The following GNA14 variants were observed in gnomAD, a reference collection of about 807,000 sequenced individuals.
The protein encoded by GNA14 is G protein subunit alpha 14.
GNA14 carries 50 observed loss-of-function variants against 42.0 expected under a neutral mutation model. The observed-to-expected ratio is 1.19, with a 90% CI of 0.95 to 1.51. The LOEUF is 1.51. Among genes scored for constraint, GNA14 ranks in the 40% most tolerant of loss-of-function variants. The pLI is 0.00. For missense variants in GNA14, 473 were observed against 446.2 expected (o/e 1.06, Z -0.54); for synonymous variants, 173 against 163.1 (o/e 1.06, Z -0.46).
chr9:77,437,926 T>C (rs1342424867), intron 2 of GNA14, among the ~76,000 whole-genome samples: 1 of 152,220 alleles, frequency 6.6e-6, no homozygotes, highest in African/African-American at 2.4e-5. Flanking sequence ...TCCTGACTGA[T>C]ACACGTTGCC....
At chr9:77,510,895 T>C (rs565762499) in intron 2 of GNA14, among the ~76,000 whole-genome samples, 2 of 152,120 alleles carry the variant, frequency 1.3e-5, no homozygotes, top group South Asian at 4.2e-4. Flanking sequence ...TAAGATGATT[T>C]GATAAGTGAT....
At position 77,607,060 on chromosome 9, in the gene GNA14, C is replaced by G. The variant is rs148125002; in HGVS notation, c.124+40610G>C. Among the ~76,000 whole-genome samples the G allele has an allele frequency of 6.1e-3, 933 of 152,246 alleles. 13 individuals are homozygous for G. The highest frequency in any genetic ancestry group is 0.021 in the African/African-American group (886 of 41,538). On this transcript the variant is annotated intron_variant, in intron 1 of 6. Coordinates refer to ENST00000341700, the MANE Select transcript of GNA14 (RefSeq NM_004297.4). ...AGCCTCTGAAACTATGAGAAATAAACGCTTGTTATTTAAGCCACCCAGTCT... is the reference window on the plus strand; with the variant it reads ...AGCCTCTGAAACTATGAGAAATAAAGGCTTGTTATTTAAGCCACCCAGTCT...
chr9:77,444,231 C>T (rs373584817), intron 2 of GNA14, among the ~76,000 whole-genome samples: 1 of 152,170 alleles, frequency 6.6e-6, no homozygotes, highest in East Asian at 1.9e-4. Flanking sequence ...AGGACGCATC[C>T]ACTTTCCGGG....
intron 2 of GNA14, among the ~76,000 whole-genome samples, chr9:77,495,295 TTAGTAGC>T (rs1476827958): frequency 1.3e-5 from 2 of 151,948 alleles, no homozygotes; most frequent in Non-Finnish European, 2.9e-5. Context: ...ATGTAGCTAG[TTAGTAGC>T]TAACTAGCTA....
Position 77,426,506 on chromosome 9 carries a change from G to A in GNA14, c.724-791C>T, listed in dbSNP as rs113436446. The stretch of plus-strand genomic sequence containing the variant: ...TTTTTAATAGAGACGGGGTTTCACC[G>A]TGTTAGCCAGGATGGTCTCAATCTC... On this transcript the variant is annotated intron_variant, in intron 5 of 6. Transcript: ENST00000341700. 7.9e-3 allele frequency among the ~76,000 whole-genome samples: 1,209 copies of A among 152,140 alleles called. 18 individuals carry two copies. Among genetic ancestry groups the A allele is most frequent in the African/African-American group, 0.027 (1,122 of 41,504 alleles).
chr9:77,424,181 T>C lies in GNA14; in HGVS notation c.878-12A>G, dbSNP rs1029188131. On this transcript the variant is annotated splice_polypyrimidine_tract_variant and intron_variant, in intron 6 of 6. Transcript: ENST00000341700. The stretch of plus-strand genomic sequence containing the variant: ...ATCCTGTTTCGGTCCTAGTCACAAG[T>C]GCAATTACAGGAATAAAGACACAGA... 4 of 1,585,470 alleles carry C rather than the reference T, an allele frequency of 2.5e-6. No homozygotes were observed. Among genetic ancestry groups the C allele is most frequent in the African/African-American group, 2.7e-5 (2 of 74,054 alleles).
At chr9:77,478,481 T>G (rs1379142918) in intron 2 of GNA14, among the ~76,000 whole-genome samples, 1 of 152,198 alleles carries the variant, frequency 6.6e-6, no homozygotes, top group African/African-American at 2.4e-5. Flanking sequence ...AGTGCCGCAA[T>G]AAACATACAT....
intron 1 of GNA14, among the ~76,000 whole-genome samples, chr9:77,574,025 A>G (rs1823096714): frequency 6.6e-6 from 1 of 152,218 alleles, no homozygotes; most frequent in African/African-American, 2.4e-5. Flanking sequence ...AAAAAAAGAT[A>G]TGGGTATCAT....
intron 1 of GNA14, among the ~76,000 whole-genome samples, chr9:77,637,641 G>T (rs1824203351): frequency 6.6e-6 from 1 of 152,160 alleles, no homozygotes; most frequent in South Asian, 2.1e-4. Flanking sequence ...AGGATCGCTT[G>T]AGGCCAGGAG....
At chr9:77,494,131 C>G (rs1587798334) in intron 2 of GNA14, among the ~76,000 whole-genome samples, 1 of 152,000 alleles carries the variant, frequency 6.6e-6, no homozygotes, top group East Asian at 1.9e-4. Context: ...CCACGTTGCC[C>G]ATGCTGGTCT....
At chr9:77,437,744 C>T (rs11145424) in intron 2 of GNA14, among the ~76,000 whole-genome samples, 7,318 of 152,236 alleles carry the variant, frequency 0.048, 238 homozygotes, top group Non-Finnish European at 0.076. Context: ...GACAAGATGG[C>T]GCCTCCATCA....
At chr9:77,625,026 T>G (rs988196277) in intron 1 of GNA14, among the ~76,000 whole-genome samples, 15 of 151,426 alleles carry the variant, frequency 9.9e-5, no homozygotes, top group Admixed American at 5.3e-4. Flanking sequence ...CTATACGAAT[T>G]GCTAACTAGA....
intron 1 of GNA14, among the ~76,000 whole-genome samples, chr9:77,643,574 T>C (rs1040111139): frequency 6.6e-6 from 1 of 152,134 alleles, no homozygotes; most frequent in Non-Finnish European, 1.5e-5. Flanking sequence ...CTCACACTAT[T>C]TGCACCATTT....
At chr9:77,516,390 G>T (rs1837258460) in intron 2 of GNA14, among the ~76,000 whole-genome samples, 2 of 152,120 alleles carry the variant, frequency 1.3e-5, no homozygotes, top group African/African-American at 2.4e-5. Context: ...CTCACTTGGA[G>T]GCAGGGAAGC....
intron 1 of GNA14, among the ~76,000 whole-genome samples, chr9:77,602,094 T>G (rs1823575970): frequency 6.6e-6 from 1 of 152,242 alleles, no homozygotes; most frequent in Admixed American, 6.5e-5. Flanking sequence ...ACGTCTTCCC[T>G]GCCTGGTCCT....
chr9:77,595,230 AGTTAAT>A (rs1195282872), intron 1 of GNA14, among the ~76,000 whole-genome samples: 1 of 152,202 alleles, frequency 6.6e-6, no homozygotes, highest in Non-Finnish European at 1.5e-5. Context: ...ATATTTGTTA[AGTTAAT>A]GTTTGGATTT....
chr9:77,604,086 C>T (rs1823613815), intron 1 of GNA14, among the ~76,000 whole-genome samples: 1 of 151,306 alleles, frequency 6.6e-6, no homozygotes, highest in Non-Finnish European at 1.5e-5. Context: ...GTAAAATTCC[C>T]ACAAATTTTT....
At chr9:77,572,054 C>G (rs1280454637) in intron 1 of GNA14, among the ~76,000 whole-genome samples, 1 of 151,862 alleles carries the variant, frequency 6.6e-6, no homozygotes, top group Non-Finnish European at 1.5e-5. Context: ...TGGCTGAGAC[C>G]AAGGATTTGG....
chr9:77,529,288 A>G, intron 1 of GNA14, 35 bp from the exon 2 acceptor site: 1 of 1,521,272 alleles, frequency 6.6e-7, no homozygotes, highest in Non-Finnish European at 9.1e-7. Flanking sequence ...CGCTGTCAGC[A>G]GACTTCCAAA....
Sources: allele counts gnomAD v4.1 joint callset (sites outside exome capture counted in the v4.1 genomes callset), GRCh38; gene constraint gnomAD v4.1.1; transcripts MANE v1.5; gene names NCBI Gene and HGNC (gene_info 2026-07-23, HGNC 2026-07-21).